Variants in SHMT2 observed in about 807,000 individuals in gnomAD.
The protein encoded by SHMT2 is serine hydroxymethyltransferase 2, also known as serine hydroxymethyltransferase, mitochondrial.
In SHMT2, 38 loss-of-function variants were observed where a neutral mutation model predicts 59.6. The observed-to-expected ratio is 0.64, with a 90% CI of 0.49 to 0.84. The LOEUF (loss-of-function observed/expected upper bound fraction) is 0.84, where lower values mean the gene tolerates loss of function less well. SHMT2 is among the 40% of genes least tolerant of loss of function. The pLI, the probability that SHMT2 is intolerant of heterozygous loss-of-function variation, is 0.00. For missense variants in SHMT2, 533 were observed against 659.5 expected, an observed-to-expected ratio of 0.81 and a Z score of 2.10; for synonymous variants, 254 against 258.1, an observed-to-expected ratio of 0.98 and a Z score of 0.15.
Position 57,234,109 on chromosome 12 carries a change from T to A in SHMT2, c.1386T>A (p.Thr462=). ...VNIGLEVKSK[T]AKLQDFKSFL... ...TTGGCTTAGAGGTGAAGAGCAAGAC[T>A]GGTGAGTGAGCAAGAAGGAGCCCCG... The change falls in exon 11 of 12, where the codon ACT becomes ACA. Residue 462 remains threonine, a splice_region_variant and synonymous_variant. Transcript: ENST00000328923. 6.2e-7 allele frequency: 1 copy of A among 1,614,138 alleles called. No homozygotes were observed. Among genetic ancestry groups the A allele is most frequent in the Non-Finnish European group, 8.5e-7 (1 of 1,179,972 alleles).
At position 57,230,113 on chromosome 12, in the gene SHMT2, A is replaced by C. The variant is rs898718189; in HGVS notation, c.33+302A>C. ...GGACCCGGTGCTGGCAAATGAGCGG[A>C]GTTTTCGGCCTGGTCTCACAAGCTG... On this transcript the variant is annotated intron_variant, in intron 1 of 11. Coordinates refer to ENST00000328923, the MANE Select transcript of SHMT2 (RefSeq NM_005412.6). 1.6e-5 allele frequency: 21 copies of C among 1,340,610 alleles called. No individual in the cohort carries two copies. The African/African-American group carries it at 2.8e-4, about 18-fold the overall frequency. 83.0% of individuals were successfully genotyped at this position (1,340,610 alleles called of 1,614,324 possible). A position where few individuals can be genotyped will look rare whatever the true frequency, so the allele number is the denominator to read the frequency against.
chr12:57,230,743 T>C (rs1039832584), intron 1 of SHMT2, 60 bp from the exon 2 acceptor site: 19 of 1,581,488 alleles, frequency 1.2e-5, no homozygotes, highest in Middle Eastern at 1.8e-4. Flanking sequence ...TGAGTGAGGG[T>C]GGCCGGGAGA....
At chr12:57,229,889 C>G in intron 1 of SHMT2, 78 bp downstream of exon 1, 2 of 1,584,728 alleles carry the variant, frequency 1.3e-6, no homozygotes, top group Non-Finnish European at 8.6e-7. Flanking sequence ...GTCACAAACT[C>G]TGGGGTTCTC....
intron 4 of SHMT2, 86 bp downstream of exon 4, chr12:57,231,999 T>C: frequency 7.0e-7 from 1 of 1,422,474 alleles, no homozygotes; most frequent in Non-Finnish European, 9.7e-7. Flanking sequence ...CTGTGGACCA[T>C]ACAGATGGAA....
Position 57,234,357 on chromosome 12 carries a change from A to T in SHMT2, c.1511A>T (p.His504Leu), listed in dbSNP as rs2037466040. 1 of 1,588,584 alleles carries T rather than the reference A, an allele frequency of 6.3e-7. No homozygotes were observed. Among genetic ancestry groups the T allele is most frequent in the Admixed American group, 1.8e-5 (1 of 55,576 alleles). ...TTCCCCATGCCTGGTTTTGATGAGC[A>T]TTGAAGGCACCTGGGAAATGAGGCC... is the stretch of plus-strand genomic sequence containing the variant. Reference protein sequence around the residue: ...RAFPMPGFDEH With the variant: ...RAFPMPGFDEL Residue 504 changes from histidine to leucine, a missense_variant, in exon 12 of 12, where the codon CAT (histidine) becomes CTT (leucine). By Grantham distance (99) the His-to-Leu change is moderately conservative. Transcript: ENST00000328923.
intron 4 of SHMT2, 31 bp downstream of exon 4, chr12:57,231,944 G>A (rs1170377927): frequency 6.3e-7 from 1 of 1,581,454 alleles, no homozygotes; most frequent in South Asian, 1.1e-5. Flanking sequence ...TGATGGTCTT[G>A]GCGGCAGGAT....
At position 57,230,020 on chromosome 12, in the gene SHMT2, C is replaced by T. The variant is rs551279806; in HGVS notation, c.33+209C>T. 88 of 1,425,964 alleles carry T rather than the reference C, an allele frequency of 6.2e-5. No individual in the cohort carries two copies. The South Asian group carries it at 1.2e-3, about 20-fold the overall frequency. 88.3% of individuals were successfully genotyped at this position (1,425,964 alleles called of 1,614,324 possible). ...GCCTGTCCTCATTCTGGCGATCAGA[C>T]GCCCCAGGGCCTCGTGACCGCCCAT... On this transcript the variant is annotated intron_variant, in intron 1 of 11. Coordinates refer to ENST00000328923, the MANE Select transcript of SHMT2 (RefSeq NM_005412.6).
rs1290980872 is a variant in SHMT2 at position 57,233,197 on chromosome 12, A to G, written c.875A>G (p.Tyr292Cys). Residue 292 changes from tyrosine to cysteine, a missense_variant, in exon 8 of 12, where the codon TAC becomes TGC. Coordinates refer to ENST00000328923, the MANE Select transcript of SHMT2 (RefSeq NM_005412.6). ...TCACACAGGTCAGGGCTCATCTTCT[A>G]CCGGAAAGGGGTGAAGGCTGTGGAC... ...LRGARSGLIFYRKGVKAVDPK... is the reference protein window; with the variant it reads ...LRGARSGLIFCRKGVKAVDPK... 2 of 1,570,252 alleles carry G rather than the reference A, an allele frequency of 1.3e-6. No individual in the cohort carries two copies. The highest frequency in any genetic ancestry group is 1.2e-5 in the South Asian group (1 of 85,318).
chr12:57,233,058 AT>A lies in SHMT2; in HGVS notation c.858-121del, dbSNP rs541887482. On this transcript the variant is annotated intron_variant, in intron 7 of 11. Coordinates refer to ENST00000328923, the MANE Select transcript of SHMT2 (RefSeq NM_005412.6). ...GGGGCTGATTCCCTCTACCACTGGA[AT>A]CCAGTGTACCAAGCCCACGTGAGCT... 258 of 1,288,788 alleles carry A rather than the reference AT, an allele frequency of 2.0e-4. No individual in the cohort carries two copies. The African/African-American group carries it at 3.5e-3, about 17-fold the overall frequency. 79.8% of individuals were successfully genotyped at this position (1,288,788 alleles called of 1,614,324 possible). A position where few individuals can be genotyped will look rare whatever the true frequency, so the allele number is the denominator to read the frequency against.
At chr12:57,229,916 C>T (rs1033989799) in intron 1 of SHMT2, 105 bp downstream of exon 1, 6 of 1,541,066 alleles carry the variant, frequency 3.9e-6, no homozygotes, top group Non-Finnish European at 5.3e-6. Flanking sequence ...TTTCCATGCA[C>T]GTGGATTGGG....
Position 57,233,260 on chromosome 12 carries a change from A to G in SHMT2, c.938A>G (p.Asp313Gly). 6.2e-7 allele frequency: 1 copy of G among 1,609,028 alleles called. No individual in the cohort carries two copies. The highest frequency in any genetic ancestry group is 8.5e-7 in the Non-Finnish European group (1 of 1,177,496). Residue 313 changes from aspartate (D) to glycine (G), a missense_variant, in exon 8 of 12, where the codon GAC (aspartate) becomes GGC (glycine). Transcript: ENST00000328923. ...TGREIPYTFEDRINFAVFPSL... is the reference protein window; with the variant it reads ...TGREIPYTFEGRINFAVFPSL... ...CGGGAGATCCCTTACACATTTGAGG[A>G]CCGAATCAACTTTGCCGTGTTCCCA...
At chr12:57,230,465 G>A (rs2037267140) in intron 1 of SHMT2, 5 of 1,208,748 alleles carry the variant, frequency 4.1e-6, no homozygotes, top group Non-Finnish European at 5.2e-6. Flanking sequence ...TTGTTCCTGT[G>A]GGTGGGAAGG....
intron 1 of SHMT2, 117 bp from the exon 2 acceptor site, chr12:57,230,686 A>G (rs1486142817): frequency 6.7e-7 from 1 of 1,491,206 alleles, no homozygotes; most frequent in Non-Finnish European, 9.0e-7. Context: ...GTGAGAACTG[A>G]AACAGGCTGG....
rs1053253659 is a variant in SHMT2 at position 57,232,361 on chromosome 12, G to A, written c.594+69G>A. 7.1e-5 allele frequency: 114 copies of A among 1,613,214 alleles called. No individual in the cohort carries two copies. The Middle Eastern group carries it at 9.9e-4, about 14-fold the overall frequency. The stretch of plus-strand genomic sequence containing the variant: ...TGGTCCTCCCCTGGAGAAGCTGAGG[G>A]CCTGGAGCGCCGGGCCGTCCTTAGG... On this transcript the variant is annotated intron_variant, in intron 5 of 11. Coordinates refer to ENST00000328923, the MANE Select transcript of SHMT2 (RefSeq NM_005412.6).
chr12:57,234,168 C>A, intron 11 of SHMT2, 58 bp downstream of exon 11: 2 of 1,613,512 alleles, frequency 1.2e-6, no homozygotes, highest in South Asian at 1.1e-5. Flanking sequence ...TCTGCTCCCT[C>A]CCCCAGCTGA....
chr12:57,229,922 T>C, intron 1 of SHMT2, 111 bp downstream of exon 1: 1 of 1,530,404 alleles, frequency 6.5e-7, no homozygotes, highest in African/African-American at 1.4e-5. Context: ...TGCACGTGGA[T>C]TGGGGCCTCA....
In SHMT2 at chr12:57,233,222, C is replaced by T; in HGVS notation, c.900C>T (p.Asp300=). 1 of 1,603,286 alleles carries T rather than the reference C, an allele frequency of 6.2e-7. No individual in the cohort carries two copies. The highest frequency in any genetic ancestry group is 1.1e-5 in the South Asian group (1 of 89,794). ...IFYRKGVKAV[D]PKTGREIPYT... is the part of the protein sequence containing the mutation. ...ACCGGAAAGGGGTGAAGGCTGTGGA[C>T]CCCAAGACTGGCCGGGAGATCCCTT... Residue 300 remains aspartate (D), a synonymous_variant, in exon 8 of 12, where the codon GAC becomes GAT. Transcript: ENST00000328923.
rs772801046 is a variant in SHMT2 at position 57,233,228 on chromosome 12, G to A, written c.906G>A (p.Lys302=). Residue 302 remains lysine, a synonymous_variant, in exon 8 of 12, where the codon AAG becomes AAA. Transcript: ENST00000328923. ...YRKGVKAVDP[K]TGREIPYTFE... The stretch of plus-strand genomic sequence containing the variant: ...AAGGGGTGAAGGCTGTGGACCCCAA[G>A]ACTGGCCGGGAGATCCCTTACACAT... 5.6e-6 allele frequency: 9 copies of A among 1,605,014 alleles called. No homozygotes were observed. Among genetic ancestry groups the A allele is most frequent in the Non-Finnish European group, 3.4e-6 (4 of 1,174,588 alleles).
At chr12:57,229,926 G>T in intron 1 of SHMT2, 115 bp downstream of exon 1, 1 of 1,518,450 alleles carries the variant, frequency 6.6e-7, no homozygotes, top group Non-Finnish European at 8.9e-7. Flanking sequence ...CGTGGATTGG[G>T]GCCTCAGGGA....
Sources: allele counts gnomAD v4.1 joint callset, GRCh38; gene constraint gnomAD v4.1.1; transcripts MANE v1.5; gene names NCBI Gene and HGNC (gene_info 2026-07-23, HGNC 2026-07-21).